SPTA1: variants seen among roughly 807,000 people sequenced by gnomAD.
SPTA1 encodes spectrin alpha, erythrocytic 1, also known as spectrin alpha chain, erythrocytic 1.
SPTA1 carries 177 observed loss-of-function variants against 324.7 expected under a neutral mutation model. The ratio of observed to expected loss-of-function variants is 0.55; its 90% CI spans 0.48 to 0.62. The LOEUF is 0.62. SPTA1 is among the 20% of genes least tolerant of loss of function. The pLI is 0.00. For synonymous variants in SPTA1, 1,195 were observed against 1,041.3 expected (o/e 1.15, Z -2.84); for missense variants, 3,162 against 2,883.6 (o/e 1.10, Z -2.21).
rs367850580 is a variant in SPTA1, at chr1:158,683,385, G to A, written c.376C>T (p.His126Tyr). The A allele has an allele frequency of 1.3e-5, 21 of 1,613,072 alleles. No homozygotes were observed. The highest frequency in any genetic ancestry group is 6.7e-5 in the Admixed American group (4 of 59,922). ...CATACATATACCTTCGTTTCTTCGT[G>A]GGCAGAATGACCCATGGTAAATCGT... ...EERFTMGHSAHEETKAHIEEL... is the reference protein window; with the variant it reads ...EERFTMGHSAYEETKAHIEEL... Residue 126 changes from histidine (H) to tyrosine (Y), a missense_variant, in exon 3 of 52, where the codon CAC becomes TAC. His to Tyr is a moderately conservative substitution (Grantham distance 83). Transcript: ENST00000643759.
rs536323126 is a variant in SPTA1 at position 158,613,742 on chromosome 1, A to T, written c.6968T>A (p.Leu2323Gln). ...DEHEPKFEKF[L>Q]DAVDPGRKGY... is the part of the protein sequence containing the mutation. ...CTACCTCCCTGGATCCACAGCATCC[A>T]GGAACTTCTCAAACTTGGGCTCATG... Residue 2323 changes from leucine (L) to glutamine (Q), a missense_variant, in exon 50 of 52, where the codon CTG becomes CAG. By Grantham distance (113) the Leu-to-Gln change is moderately radical (BLOSUM62 -2). Transcript: ENST00000643759. The T allele has an allele frequency of 7.4e-6, 12 of 1,613,826 alleles. No homozygotes were observed. The highest frequency in any genetic ancestry group is 3.3e-5 in the Admixed American group (2 of 59,970).
intron 18 of SPTA1, among the ~76,000 whole-genome samples, chr1:158,660,794 C>T (rs1653156584): frequency 6.6e-6 from 1 of 152,132 alleles, no homozygotes; most frequent in Non-Finnish European, 1.5e-5. Flanking sequence ...GAACATCATA[C>T]TTAAGCATCA....
chr1:158,636,796 C>CTAGA (rs764595612), intron 36 of SPTA1, 35 bp from the exon 37 acceptor site: 30 of 1,612,868 alleles, frequency 1.9e-5, no homozygotes, highest in Admixed American at 1.0e-4. Context: ...AGTTTGGAGT[C>CTAGA]TAGACATCTA....
intron 14 of SPTA1, among the ~76,000 whole-genome samples, chr1:158,668,966 A>G (rs1243769720): frequency 2.0e-5 from 3 of 152,164 alleles, no homozygotes; most frequent in African/African-American, 7.2e-5. Flanking sequence ...ATAAAATTTT[A>G]TAAGTTTATA....
intron 22 of SPTA1, 37 bp from the exon 23 acceptor site, chr1:158,652,690 G>A: frequency 6.2e-7 from 1 of 1,611,044 alleles, no homozygotes; most frequent in South Asian, 1.1e-5. Context: ...ATAAAAGAAG[G>A]AGAAAATACA....
chr1:158,643,305 A>G lies in SPTA1; in HGVS notation c.4442+17T>C, dbSNP rs756464770. 1 of 1,613,426 alleles carries G rather than the reference A, an allele frequency of 6.2e-7. No homozygotes were observed. Among genetic ancestry groups the G allele is most frequent in the Non-Finnish European group, 8.5e-7 (1 of 1,179,652 alleles). ...TATATCTTCCTTTGGCACATAAAAC[A>G]ATCACTCAGGCCTGACCTGTCTAGT... On this transcript the variant is annotated intron_variant, in intron 31 of 51. Transcript: ENST00000643759.
chr1:158,640,121 A>T (rs193132590), intron 33 of SPTA1, 114 bp from the exon 34 acceptor site: 73 of 1,275,102 alleles, frequency 5.7e-5, no homozygotes, highest in Non-Finnish European at 7.6e-5. Context: ...AAATTTGCTG[A>T]TACTTGAATA....
chr1:158,685,290 G>A lies in SPTA1; in HGVS notation c.82C>T (p.Arg28Cys), dbSNP rs121918642. 4 of 1,613,680 alleles carry A rather than the reference G, an allele frequency of 2.5e-6. No homozygotes were observed. The highest frequency in any genetic ancestry group is 1.3e-5 in the African/African-American group (1 of 74,872). Residue 28 changes from arginine to cysteine, a missense_variant, in exon 2 of 52, where the codon CGT becomes TGT. By Grantham distance (180) the Arg-to-Cys change is radical. Coordinates refer to ENST00000643759, the MANE Select transcript of SPTA1 (RefSeq NM_003126.4). ...TGATACCGAGTCAACACTTCCTGAC[G>A]CCTCTCCTGGATCTCTTCTGCTGTT... ...LETAEEIQER[R>C]QEVLTRYQSF...
intron 48 of SPTA1, chr1:158,614,990 AAG>A: frequency 1.9e-6 from 1 of 536,192 alleles, no homozygotes. Flanking sequence ...GTTGTTGTCC[AAG>A]TGGGTGATGA....
intron 8 of SPTA1, among the ~76,000 whole-genome samples, chr1:158,675,580 A>G: frequency 6.6e-6 from 1 of 152,188 alleles, no homozygotes; most frequent in South Asian, 2.1e-4. Context: ...ATTTTTTCAT[A>G]TACCTATATG....
chr1:158,626,348 G>A (rs955993583), intron 41 of SPTA1, 126 bp from the exon 42 acceptor site: 8 of 907,266 alleles, frequency 8.8e-6, no homozygotes, highest in South Asian at 8.4e-5. Flanking sequence ...ATGATTAATT[G>A]GAATATGTGA....
At chr1:158,678,302 A>T (rs180978339) in intron 6 of SPTA1, 99 bp downstream of exon 6, 743 of 1,518,830 alleles carry the variant, frequency 4.9e-4, no homozygotes, top group Admixed American at 6.5e-4. Context: ...TGAAGTGTTG[A>T]CCATTAATTG....
intron 32 of SPTA1, 127 bp from the exon 33 acceptor site, chr1:158,642,669 C>T: frequency 1.3e-6 from 2 of 1,567,028 alleles, no homozygotes; most frequent in Non-Finnish European, 1.8e-6. Context: ...TTCTGAAGAA[C>T]CTGCTCCACA....
intron 27 of SPTA1, 134 bp from the exon 28 acceptor site, chr1:158,645,728 G>GCATATAA (rs1651952189): frequency 3.2e-5 from 29 of 917,692 alleles, no homozygotes; most frequent in Non-Finnish European, 5.1e-5. Context: ...ATGCTTTACA[G>GCATATAA]ATCTTACGTT....
chr1:158,677,767 T>C lies in SPTA1; in HGVS notation c.880A>G (p.Lys294Glu), dbSNP rs759177674. The change falls in exon 7 of 52, where the codon AAA becomes GAA. Residue 294 changes from lysine (K) to glutamate (E), a missense_variant. Lys to Glu is a moderately conservative substitution (Grantham distance 56, BLOSUM62 1). Coordinates refer to ENST00000643759, the MANE Select transcript of SPTA1 (RefSeq NM_003126.4). ...AGTCCTTCAGAGGCAACAAGGTCTT[T>C]GCCATAGTCCTCAGAGGTGAGTACA... is the stretch of plus-strand genomic sequence containing the variant. ...EPVLTSEDYG[K>E]DLVASEGLFH... 149 of 1,613,640 alleles carry C rather than the reference T, an allele frequency of 9.2e-5. No homozygotes were observed. Among genetic ancestry groups the C allele is most frequent in the Non-Finnish European group, 1.2e-4 (145 of 1,179,786 alleles).
At chr1:158,631,004 G>T (rs1425151720) in intron 39 of SPTA1, among the ~76,000 whole-genome samples, 1 of 151,878 alleles carries the variant, frequency 6.6e-6, no homozygotes, top group East Asian at 1.9e-4. Flanking sequence ...GTGGTAAACG[G>T]GACACTCTTA....
intron 8 of SPTA1, 118 bp downstream of exon 8, chr1:158,676,023 G>A (rs576994271): frequency 7.4e-7 from 1 of 1,355,004 alleles, no homozygotes; most frequent in Non-Finnish European, 1.0e-6. Flanking sequence ...TCTCTACTGA[G>A]CAGGCAGGAG....
chr1:158,664,580 T>C (rs1021277380), intron 16 of SPTA1, among the ~76,000 whole-genome samples: 1 of 152,200 alleles, frequency 6.6e-6, no homozygotes, highest in Non-Finnish European at 1.5e-5. Context: ...GACAGGTTGA[T>C]AGGTGCAGCA....
intron 5 of SPTA1, among the ~76,000 whole-genome samples, chr1:158,679,379 T>C (rs1654632734): frequency 6.6e-6 from 1 of 152,172 alleles, no homozygotes; most frequent in African/African-American, 2.4e-5. Flanking sequence ...AGGTAGAGTA[T>C]GTTTCCTCAA....
Sources: gnomAD v4.1 joint callset for allele counts (sites outside exome capture counted in the v4.1 genomes callset) on GRCh38, gnomAD v4.1.1 for gene constraint, MANE v1.5 for transcripts, NCBI Gene and HGNC (gene_info 2026-07-23, HGNC 2026-07-21) for gene names.